RAB38: variants seen among roughly 807,000 people sequenced by gnomAD.
The protein encoded by RAB38 is RAB38, member RAS oncogene family, also known as ras-related protein Rab-38.
In RAB38, 15 loss-of-function variants were observed where a neutral mutation model predicts 18.4. That is an observed-to-expected ratio of 0.82 (90% CI 0.55 to 1.26). RAB38 has a LOEUF of 1.26. RAB38 is among the 50% of genes most tolerant of loss of function. The pLI, the probability that RAB38 is intolerant of heterozygous loss-of-function variation, is 0.00. For missense variants in RAB38, 294 were observed against 267.4 expected (o/e 1.10, Z -0.69); for synonymous variants, 101 against 104.4 (o/e 0.97, Z 0.20).
At chr11:88,086,673 T>C in the RAB38 span, among the ~76,000 whole-genome samples, 4,084 of 151,980 alleles carry the variant, frequency 0.027, 157 homozygotes, top group East Asian at 0.16. Context: ...AGTAAATGAA[T>C]AGCATATGAA....
chr11:88,153,768 C>CATCT (rs1943091794), intron 1 of RAB38, among the ~76,000 whole-genome samples: 1 of 152,148 alleles, frequency 6.6e-6, no homozygotes. Context: ...ATTTTTAAGC[C>CATCT]ATCTCTAAGT....
chr11:88,156,665 G>A (rs982964785), intron 1 of RAB38, among the ~76,000 whole-genome samples: 4 of 152,082 alleles, frequency 2.6e-5, no homozygotes, highest in Non-Finnish European at 5.9e-5. Context: ...TCATGCCACT[G>A]CACTCCAGCC....
chr11:88,119,367 T>A (rs1942600364), intron 2 of RAB38, among the ~76,000 whole-genome samples: 1 of 152,206 alleles, frequency 6.6e-6, no homozygotes, highest in African/African-American at 2.4e-5. Context: ...ATTTTAAAAA[T>A]AAAGTTGTTC....
At chr11:87,809,910 A>G in the RAB38 span, among the ~76,000 whole-genome samples, 1 of 150,530 alleles carries the variant, frequency 6.6e-6, no homozygotes, top group Non-Finnish European at 1.5e-5. Context: ...TCCAGTTTCA[A>G]AATATTATAT....
At chr11:87,909,366 G>C in the RAB38 span, among the ~76,000 whole-genome samples, 1 of 151,906 alleles carries the variant, frequency 6.6e-6, no homozygotes, top group Admixed American at 6.6e-5. Flanking sequence ...GAGTTAAGAA[G>C]GGCATTCCTC....
the RAB38 span, among the ~76,000 whole-genome samples, chr11:87,847,910 AAG>A: frequency 6.6e-6 from 1 of 152,118 alleles, no homozygotes; most frequent in African/African-American, 2.4e-5. Flanking sequence ...TAAAAGAGCT[AAG>A]AGAATACAAA....
At chr11:88,103,219 GAATT>G in the RAB38 span, among the ~76,000 whole-genome samples, 1 of 151,848 alleles carries the variant, frequency 6.6e-6, no homozygotes, top group Non-Finnish European at 1.5e-5. Flanking sequence ...TATTATAGAT[GAATT>G]AAGACTCTGA....
At chr11:88,173,565 C>T (rs902420612) in intron 1 of RAB38, 77 of 985,338 alleles carry the variant, frequency 7.8e-5, no homozygotes, top group Non-Finnish European at 9.0e-5. Context: ...TGCTGTCATG[C>T]TGTTACCTGG....
chr11:87,851,372 A>T, the RAB38 span, among the ~76,000 whole-genome samples: 7 of 152,210 alleles, frequency 4.6e-5, no homozygotes, highest in Non-Finnish European at 8.8e-5. Context: ...CATACCACTT[A>T]AAATAAAAAT....
At chr11:88,040,654 G>C in the RAB38 span, among the ~76,000 whole-genome samples, 1 of 152,072 alleles carries the variant, frequency 6.6e-6, no homozygotes, top group South Asian at 2.1e-4. Context: ...AGTGAGCCGT[G>C]ACTGCACCAC....
At chr11:88,072,847 T>C in the RAB38 span, among the ~76,000 whole-genome samples, 1 of 151,904 alleles carries the variant, frequency 6.6e-6, no homozygotes, top group African/African-American at 2.4e-5. Flanking sequence ...TGGTGTAGAA[T>C]CTAGCTGGCT....
At chr11:88,117,823 T>C (rs1190008186) in intron 2 of RAB38, among the ~76,000 whole-genome samples, 6 of 152,212 alleles carry the variant, frequency 3.9e-5, no homozygotes, top group Non-Finnish European at 7.3e-5. Flanking sequence ...ATATTAATAC[T>C]TGAAACATGA....
chr11:87,963,414 A>G, the RAB38 span, among the ~76,000 whole-genome samples: 1 of 152,204 alleles, frequency 6.6e-6, no homozygotes, highest in African/African-American at 2.4e-5. Flanking sequence ...CCTATAATGC[A>G]ACATATACAT....
At chr11:88,007,704 A>G in the RAB38 span, among the ~76,000 whole-genome samples, 1 of 152,036 alleles carries the variant, frequency 6.6e-6, no homozygotes, top group Non-Finnish European at 1.5e-5. Flanking sequence ...AAGTTTGAAT[A>G]TACTCCTAAC....
At position 88,135,223 on chromosome 11, in the gene RAB38, CCT is replaced by C. The variant is rs1291026901; in HGVS notation, c.483+14450_483+14451del. ...ATGTTACATATGCCACGCAAGCTCC[CCT>C]GCTTTCATGTTCTGCTTAGCACTTA... On this transcript the variant is annotated intron_variant, in intron 2 of 2. Coordinates refer to ENST00000243662, the MANE Select transcript of RAB38 (RefSeq NM_022337.3). 3.3e-5 allele frequency among the ~76,000 whole-genome samples: 5 copies of C among 152,152 alleles called. 1 individual carries two copies. The East Asian group carries it at 9.6e-4, about 29-fold the overall frequency.
intron 1 of RAB38, among the ~76,000 whole-genome samples, chr11:88,161,303 C>T (rs1943187391): frequency 6.6e-6 from 1 of 152,072 alleles, no homozygotes; most frequent in Non-Finnish European, 1.5e-5. Context: ...GAATTCCCTC[C>T]TCATCTCTAC....
the RAB38 span, among the ~76,000 whole-genome samples, chr11:87,915,788 T>G: frequency 6.6e-6 from 1 of 152,154 alleles, no homozygotes. Context: ...CCAAGAACCT[T>G]GTCTTGGGGT....
At chr11:87,828,660 A>G in the RAB38 span, among the ~76,000 whole-genome samples, 1 of 152,190 alleles carries the variant, frequency 6.6e-6, no homozygotes, top group South Asian at 2.1e-4. Context: ...TCCTGTGCAC[A>G]AAGGTATGGT....
At chr11:88,116,701 T>C (rs1412884599) in intron 2 of RAB38, among the ~76,000 whole-genome samples, 2 of 152,238 alleles carry the variant, frequency 1.3e-5, no homozygotes, top group Non-Finnish European at 2.9e-5. Context: ...AGTTTATTTA[T>C]CTTCCATATA....
Sources: allele counts gnomAD v4.1 joint callset (sites outside exome capture counted in the v4.1 genomes callset), GRCh38; gene constraint gnomAD v4.1.1; transcripts MANE v1.5; gene names NCBI Gene and HGNC (gene_info 2026-07-23, HGNC 2026-07-21).